APCDD1: variants seen among roughly 807,000 people sequenced by gnomAD.
APCDD1 encodes protein APCDD1.
APCDD1 carries 15 observed loss-of-function variants against 38.1 expected under a neutral mutation model. The observed-to-expected ratio is 0.39, with a 90% CI of 0.26 to 0.61. APCDD1 has a LOEUF of 0.61. APCDD1 is among the 20% of genes least tolerant of loss of function. The pLI is 0.49. For missense variants in APCDD1, 647 were observed against 696.2 expected (o/e 0.93, Z 0.79); for synonymous variants, 261 against 279.7 (o/e 0.93, Z 0.67).
chr18:10,463,494 C>T (rs1281953058), intron 1 of APCDD1, among the ~76,000 whole-genome samples: 2 of 152,224 alleles, frequency 1.3e-5, no homozygotes, highest in African/African-American at 4.8e-5. Flanking sequence ...CTGGAGGGCA[C>T]ACCATGACTG....
Position 10,467,438 on chromosome 18 carries a change from A to C in APCDD1, c.59-1031A>C, listed in dbSNP as rs1401448450. On this transcript the variant is annotated intron_variant, in intron 1 of 4. Coordinates refer to ENST00000355285, the MANE Select transcript of APCDD1 (RefSeq NM_153000.5). This position sits in a 1 kb window ranked among gnomAD's most constrained non-coding sequence, Gnocchi z 4.8. The stretch of plus-strand genomic sequence containing the variant: ...CTAAATACGTAGTAGGTCCGCCATA[A>C]ATGCCTGTTGATTTGTTAATCACTT... Among the ~76,000 whole-genome samples the C allele has an allele frequency of 6.6e-6, 1 of 152,226 alleles. No individual in the cohort carries two copies. The highest frequency in any genetic ancestry group is 2.4e-5 in the African/African-American group (1 of 41,464).
rs1051548781 is a variant in APCDD1 at position 10,476,653 on chromosome 18, C to T, written c.774+4592C>T. The T allele has an allele frequency of 6.6e-6, 1 of 152,176 alleles. No individual in the cohort carries two copies. The highest frequency in any genetic ancestry group is 2.4e-5 in the African/African-American group (1 of 41,422). 9.4% of individuals were successfully genotyped at this position (152,176 alleles called of 1,614,324 possible). ...TAAGCAAATGGAATTGGTCTTTCTCCAAAATCCTGCACTGATTTAACCACA... is the reference window on the plus strand; with the variant it reads ...TAAGCAAATGGAATTGGTCTTTCTCTAAAATCCTGCACTGATTTAACCACA... On this transcript the variant is annotated intron_variant, in intron 3 of 4. Coordinates refer to ENST00000355285, the MANE Select transcript of APCDD1 (RefSeq NM_153000.5). The surrounding 1 kb of genome is among the most constrained non-coding windows in gnomAD (Gnocchi z 5.8).
At chr18:10,461,606 G>A (rs1328955969) in intron 1 of APCDD1, among the ~76,000 whole-genome samples, 2 of 152,146 alleles carry the variant, frequency 1.3e-5, no homozygotes, top group Admixed American at 1.3e-4. Flanking sequence ...ATTGTCGAGT[G>A]TAATGCAAAC....
chr18:10,456,808 A>G (rs1357895936), intron 1 of APCDD1, among the ~76,000 whole-genome samples: 7 of 152,208 alleles, frequency 4.6e-5, no homozygotes, highest in Admixed American at 3.9e-4. Flanking sequence ...GGAATCTTCC[A>G]TAACTCCGGG....
chr18:10,462,449 T>TCCTC (rs1180789930), intron 1 of APCDD1, among the ~76,000 whole-genome samples: 2 of 55,900 alleles, frequency 3.6e-5, no homozygotes, highest in East Asian at 8.1e-4. Context: ...CTCTCTCCTT[T>TCCTC]CCTCCCTCCC....
In APCDD1 at chr18:10,463,295, A is replaced by G. The variant is rs547759061; in HGVS notation, c.59-5174A>G. Among the ~76,000 whole-genome samples, 6 of 152,142 alleles carry G rather than the reference A, an allele frequency of 3.9e-5. No homozygotes were observed. In the South Asian group the frequency reaches 1.0e-3, roughly 26 times the overall value. ...CTACAACCCTACAGTTTCTTGCCCA[A>G]CCGAGACTCCCTGGGGCAAAATGTT... is the stretch of plus-strand genomic sequence containing the variant. On this transcript the variant is annotated intron_variant, in intron 1 of 4. Coordinates refer to ENST00000355285, the MANE Select transcript of APCDD1 (RefSeq NM_153000.5).
Position 10,467,221 on chromosome 18 carries a change from C to T in APCDD1, c.59-1248C>T, listed in dbSNP as rs1296557057. ...TCATGTTGCTGTAAGTGACTATATT[C>T]TGAATCTAACTTCTCATTTTCAAAT... On this transcript the variant is annotated intron_variant, in intron 1 of 4. Coordinates refer to ENST00000355285, the MANE Select transcript of APCDD1 (RefSeq NM_153000.5). This position sits in a 1 kb window ranked among gnomAD's most constrained non-coding sequence, Gnocchi z 4.8. 1.3e-5 allele frequency among the ~76,000 whole-genome samples: 2 copies of T among 152,196 alleles called. No homozygotes were observed. Among genetic ancestry groups the T allele is most frequent in the East Asian group, 3.8e-4 (2 of 5,204 alleles).
chr18:10,468,602 G>A lies in APCDD1; in HGVS notation c.192G>A (p.Arg64=), dbSNP rs753501769. The A allele has an allele frequency of 1.2e-6, 2 of 1,614,040 alleles. No homozygotes were observed. The highest frequency in any genetic ancestry group is 3.3e-5 in the Admixed American group (2 of 60,020). ...TCAAACATCTCCACAATGGTGCAAG[G>A]ATCACAGTGCAGATGCCACCTACAA... is the stretch of plus-strand genomic sequence containing the variant. ...HMLKHLHNGA[R]ITVQMPPTIE... Residue 64 remains arginine (R), a synonymous_variant, in exon 2 of 5, where the codon AGG becomes AGA. Transcript: ENST00000355285.
At chr18:10,457,037 T>C (rs765821848) in intron 1 of APCDD1, among the ~76,000 whole-genome samples, 1 of 152,206 alleles carries the variant, frequency 6.6e-6, no homozygotes, top group Admixed American at 6.5e-5. Context: ...TGAGTTGGGT[T>C]ACATGGATAA....
At position 10,471,707 on chromosome 18, in the gene APCDD1, C is replaced by T. The variant is rs2030856888; in HGVS notation, c.420C>T (p.Gly140=). 2 of 1,614,150 alleles carry T rather than the reference C, an allele frequency of 1.2e-6. No individual in the cohort carries two copies. Among genetic ancestry groups the T allele is most frequent in the South Asian group, 1.1e-5 (1 of 91,088 alleles). The part of the protein sequence containing the change: ...LRQASWIIRG[G]TEADYQLHNV... ...AGGCCTCCTGGATCATCCGAGGGGG[C>T]ACGGAAGCCGACTACCAGCTGCACA... Residue 140 remains glycine, a synonymous_variant, in exon 3 of 5, where the codon GGC becomes GGT. Coordinates refer to ENST00000355285, the MANE Select transcript of APCDD1 (RefSeq NM_153000.5). The surrounding 1 kb of genome is among the most constrained non-coding windows in gnomAD (Gnocchi z 5.5).
chr18:10,471,414 G>T lies in APCDD1; in HGVS notation c.243-116G>T. 1 of 1,336,394 alleles carries T rather than the reference G, an allele frequency of 7.5e-7. No individual in the cohort carries two copies. The highest frequency in any genetic ancestry group is 1.0e-6 in the Non-Finnish European group (1 of 957,330). 82.8% of individuals were successfully genotyped at this position (1,336,394 alleles called of 1,614,324 possible). ...GTATCTATAAAGGGCTGACAACAGAGTCTGGCCCATCGTCAGCACTTTATT... is the reference window on the plus strand; with the variant it reads ...GTATCTATAAAGGGCTGACAACAGATTCTGGCCCATCGTCAGCACTTTATT... On this transcript the variant is annotated intron_variant, in intron 2 of 4. Coordinates refer to ENST00000355285, the MANE Select transcript of APCDD1 (RefSeq NM_153000.5). This position sits in a 1 kb window ranked among gnomAD's most constrained non-coding sequence, Gnocchi z 5.5.
At chr18:10,455,094 C>T (rs2030340695) in intron 1 of APCDD1, 55 bp downstream of exon 1, 1 of 1,542,634 alleles carries the variant, frequency 6.5e-7, no homozygotes, top group Non-Finnish European at 8.7e-7. Flanking sequence ...AGCCCGGGCG[C>T]CGCGGAGCCC....
intron 1 of APCDD1, among the ~76,000 whole-genome samples, chr18:10,459,386 G>A (rs1213139156): frequency 6.6e-6 from 1 of 152,170 alleles, no homozygotes; most frequent in East Asian, 1.9e-4. Context: ...GTCAGCTGCA[G>A]ATCCAACATG....
At chr18:10,473,427 G>C (rs912243427) in intron 3 of APCDD1, among the ~76,000 whole-genome samples, 1 of 152,222 alleles carries the variant, frequency 6.6e-6, no homozygotes, top group Non-Finnish European at 1.5e-5. Context: ...TTCCAACACA[G>C]ATCAGGAGCC....
At chr18:10,463,894 T>C (rs1313511232) in intron 1 of APCDD1, among the ~76,000 whole-genome samples, 1 of 152,228 alleles carries the variant, frequency 6.6e-6, no homozygotes, top group East Asian at 1.9e-4. Context: ...CACTGTGTTC[T>C]TGGGGAGCTG....
chr18:10,487,830 G>A lies in APCDD1; in HGVS notation c.1337G>A (p.Gly446Glu), dbSNP rs749401498. Residue 446 changes from glycine to glutamate, a missense_variant, in exon 5 of 5, where the codon GGG becomes GAG. Transcript: ENST00000355285. ...TTCAACGGTCAGAGGCCCAGCGACG[G>A]GTCCAGCCCAGACAGGCCAGAGAAG... ...LLFNGQRPSD[G>E]SSPDRPEKRA... The A allele has an allele frequency of 4.3e-6, 7 of 1,614,008 alleles. No individual in the cohort carries two copies. The highest frequency in any genetic ancestry group is 5.9e-6 in the Non-Finnish European group (7 of 1,180,036).
rs901842956 is a variant in APCDD1 at position 10,471,394 on chromosome 18, T to C, written c.243-136T>C. On this transcript the variant is annotated intron_variant, in intron 2 of 4. Transcript: ENST00000355285. The surrounding 1 kb of genome is among the most constrained non-coding windows in gnomAD (Gnocchi z 5.5). ...TGTGAGGAGTCAATGAGTTGGTATC[T>C]ATAAAGGGCTGACAACAGAGTCTGG... The C allele has an allele frequency of 4.4e-6, 5 of 1,132,354 alleles. No homozygotes were observed. Among genetic ancestry groups the C allele is most frequent in the Non-Finnish European group, 6.4e-6 (5 of 780,552 alleles). The allele number at this position is 1,132,354 out of a possible 1,614,324, so 70.1% of individuals were successfully genotyped here. A position where few individuals can be genotyped will look rare whatever the true frequency, so the allele number is the denominator to read the frequency against.
chr18:10,482,103 A>G (rs2031154959), intron 3 of APCDD1, among the ~76,000 whole-genome samples: 1 of 152,096 alleles, frequency 6.6e-6, no homozygotes, highest in South Asian at 2.1e-4. Context: ...GTCATCCCAG[A>G]AGCATCTCTT....
chr18:10,468,117 C>A (rs2030760122), intron 1 of APCDD1, among the ~76,000 whole-genome samples: 1 of 152,210 alleles, frequency 6.6e-6, no homozygotes, highest in South Asian at 2.1e-4. Flanking sequence ...TGCCAGTCAC[C>A]TTCCCTTGGC....
Sources: gnomAD v4.1 joint callset for allele counts (sites outside exome capture counted in the v4.1 genomes callset) on GRCh38, gnomAD v4.1.1 for gene constraint, Gnocchi (gnomAD v3.1) non-coding constraint, MANE v1.5 for transcripts, NCBI Gene and HGNC (gene_info 2026-07-23, HGNC 2026-07-21) for gene names.